STK33: variants seen among roughly 807,000 people sequenced by gnomAD.
The protein encoded by STK33 is serine/threonine-protein kinase 33.
STK33 carries 52 observed loss-of-function variants against 58.0 expected under a neutral mutation model. That is an observed-to-expected ratio of 0.90 (90% CI 0.72 to 1.13). The LOEUF is 1.13. STK33 is among the 50% of genes most tolerant of loss of function. The pLI, the probability that STK33 is intolerant of heterozygous loss-of-function variation, is 0.00. For synonymous variants in STK33, 215 were observed against 200.1 expected, an observed-to-expected ratio of 1.07 and a Z score of -0.63; for missense variants, 630 against 604.2, an observed-to-expected ratio of 1.04 and a Z score of -0.45.
downstream of STK33, among the ~76,000 whole-genome samples, chr11:8,391,146 C>T (rs976392669): frequency 4.6e-5 from 7 of 152,262 alleles, no homozygotes; most frequent in South Asian, 2.1e-4. Flanking sequence ...GAACAGAACA[C>T]GCCCTTTAAA....
At chr11:8,468,698 C>T (rs1020348913) in intron 6 of STK33, among the ~76,000 whole-genome samples, 1 of 151,896 alleles carries the variant, frequency 6.6e-6, no homozygotes, top group African/African-American at 2.4e-5. Flanking sequence ...TCCTTGATAC[C>T]ACTTAATAGC....
intron 1 of STK33, among the ~76,000 whole-genome samples, chr11:8,559,039 A>G (rs145232139): frequency 9.7e-4 from 148 of 152,342 alleles, no homozygotes; most frequent in African/African-American, 3.4e-3. Context: ...ATAGATTGGT[A>G]TAATTCACAT....
chr11:8,514,193 T>C (rs1003194677), intron 1 of STK33, among the ~76,000 whole-genome samples: 16 of 152,232 alleles, frequency 1.1e-4, no homozygotes, highest in Admixed American at 2.6e-4. Context: ...TATATATGTG[T>C]CACATTTTCT....
intron 14 of STK33, among the ~76,000 whole-genome samples, chr11:8,432,851 T>G (rs936424792): frequency 1.3e-5 from 2 of 152,162 alleles, no homozygotes; most frequent in African/African-American, 2.4e-5. Context: ...CTTAGGACAA[T>G]CCAATATAGT....
chr11:8,351,482 T>TGGATCTGGCCGTCCCTGCAC, the STK33 span, among the ~76,000 whole-genome samples: 3 of 152,152 alleles, frequency 2.0e-5, no homozygotes, highest in African/African-American at 4.8e-5. Context: ...GGGCTCTGCA[T>TGGATCTGGCCGTCCCTGCAC]GGTTCTGGCC....
chr11:8,431,161 G>A (rs968025126), intron 14 of STK33, among the ~76,000 whole-genome samples: 5 of 151,870 alleles, frequency 3.3e-5, no homozygotes, highest in Non-Finnish European at 5.9e-5. Flanking sequence ...CACCGCACCC[G>A]GCCTCCTTAA....
intron 1 of STK33, among the ~76,000 whole-genome samples, chr11:8,489,902 TGAGG>T (rs1565174129): frequency 6.6e-6 from 1 of 152,026 alleles, no homozygotes; most frequent in African/African-American, 2.4e-5. Context: ...TTAGCTAGTT[TGAGG>T]GACAAAAAGT....
chr11:8,561,302 A>C (rs1486342949), intron 1 of STK33, among the ~76,000 whole-genome samples: 2 of 152,120 alleles, frequency 1.3e-5, no homozygotes, highest in Non-Finnish European at 2.9e-5. Flanking sequence ...CAGGTATTAA[A>C]TCTGTGGGTC....
At chr11:8,375,550 T>C in the STK33 span, among the ~76,000 whole-genome samples, 1 of 152,218 alleles carries the variant, frequency 6.6e-6, no homozygotes, top group Non-Finnish European at 1.5e-5. Flanking sequence ...TAAGCTTATA[T>C]TCCTTAATAG....
chr11:8,358,650 C>T, the STK33 span, among the ~76,000 whole-genome samples: 5 of 152,112 alleles, frequency 3.3e-5, no homozygotes, highest in African/African-American at 7.2e-5. Context: ...GCGGGTGCTG[C>T]GACAAACCAG....
chr11:8,354,044 G>A, the STK33 span, among the ~76,000 whole-genome samples: 2 of 152,110 alleles, frequency 1.3e-5, no homozygotes, highest in Non-Finnish European at 2.9e-5. Flanking sequence ...CTGCAGACTG[G>A]GCACGAGTGT....
chr11:8,449,806 C>T (rs1350003434), intron 11 of STK33, among the ~76,000 whole-genome samples: 1 of 152,218 alleles, frequency 6.6e-6, no homozygotes, highest in East Asian at 1.9e-4. Flanking sequence ...GAAAAAAGCT[C>T]ATCATCACTG....
chr11:8,354,487 C>CACACACACACACACACACAT, the STK33 span, among the ~76,000 whole-genome samples: 1 of 134,806 alleles, frequency 7.4e-6, no homozygotes, highest in African/African-American at 2.6e-5. Context: ...CACACACACA[C>CACACACACACACACACACAT]ACACACACAC....
chr11:8,514,029 T>C (rs1952558521), intron 1 of STK33, among the ~76,000 whole-genome samples: 1 of 152,054 alleles, frequency 6.6e-6, no homozygotes, highest in Non-Finnish European at 1.5e-5. Flanking sequence ...TTTACTTGTC[T>C]TAGTATTTTA....
the STK33 span, among the ~76,000 whole-genome samples, chr11:8,354,717 G>A: frequency 6.6e-6 from 1 of 152,226 alleles, no homozygotes; most frequent in Non-Finnish European, 1.5e-5. Context: ...CAGGGACAAA[G>A]GGCTGAGCTC....
chr11:8,526,067 A>C lies in STK33; in HGVS notation c.-465-45453T>G, dbSNP rs571455090. 3.7e-4 allele frequency among the ~76,000 whole-genome samples: 57 copies of C among 152,290 alleles called. 1 individual carries two copies. The South Asian group carries it at 6.0e-3, about 16-fold the overall frequency. ...CTAGCAAAAGCAAATGTTGGCAAAG[A>C]AGCAGAAAAAAGAGAACTCGCATAC... On this transcript the variant is annotated intron_variant, in intron 1 of 15. Transcript: ENST00000687296.
At chr11:8,351,897 G>A in the STK33 span, among the ~76,000 whole-genome samples, 4 of 152,212 alleles carry the variant, frequency 2.6e-5, no homozygotes, top group Admixed American at 6.5e-5. Context: ...CCCAGGGGCC[G>A]TGCCTTCAGC....
Position 8,457,365 on chromosome 11 carries a change from C to G in STK33, c.673G>C (p.Ala225Pro). The G allele has an allele frequency of 6.2e-7, 1 of 1,603,594 alleles. No homozygotes were observed. Among genetic ancestry groups the G allele is most frequent in the Non-Finnish European group, 8.5e-7 (1 of 1,172,612 alleles). Residue 225 changes from alanine to proline, a missense_variant, in exon 9 of 16, where the codon GCT (alanine) becomes CCT (proline). Physicochemically the swap from Ala to Pro is conservative, Grantham distance 27. Coordinates refer to ENST00000687296, the MANE Select transcript of STK33 (RefSeq NM_001352389.2). ...CCATTATTGTGAAGATATGCTATAG[C>G]TGATGCGAGACTTTGAATGATCCAC... ...TRWIIQSLAS[A>P]IAYLHNNDIV...
At chr11:8,348,757 C>T in the STK33 span, among the ~76,000 whole-genome samples, 1 of 152,100 alleles carries the variant, frequency 6.6e-6, no homozygotes, top group African/African-American at 2.4e-5. Context: ...GGACACAGCC[C>T]TGTTTTGGAA....
Sources: gnomAD v4.1 joint callset for allele counts (sites outside exome capture counted in the v4.1 genomes callset) on GRCh38, gnomAD v4.1.1 for gene constraint, MANE v1.5 for transcripts, NCBI Gene and HGNC (gene_info 2026-07-23, HGNC 2026-07-21) for gene names.